EREG: variants seen among roughly 807,000 people sequenced by gnomAD.
EREG encodes the protein epiregulin, also known as proepiregulin.
A neutral mutation model predicts 22.4 loss-of-function variants in EREG; 23 were observed. The ratio of observed to expected loss-of-function variants is 1.03; its 90% CI spans 0.74 to 1.46. The LOEUF (loss-of-function observed/expected upper bound fraction) is 1.46. Among genes scored for constraint, EREG ranks in the 40% most tolerant of loss-of-function variants. EREG has a pLI of 0.00. For missense variants in EREG, 226 were observed against 205.9 expected, an observed-to-expected ratio of 1.10 and a Z score of -0.60; for synonymous variants, 100 against 75.4, an observed-to-expected ratio of 1.33 and a Z score of -1.69.
chr4:74,367,391 T>A (rs1022224885), intron 1 of EREG, among the ~76,000 whole-genome samples: 14 of 152,354 alleles, frequency 9.2e-5, no homozygotes, highest in African/African-American at 2.2e-4. Flanking sequence ...AACATTTTTT[T>A]AAATAATCTA....
At chr4:74,367,706 AT>A (rs1644667336) in intron 1 of EREG, among the ~76,000 whole-genome samples, 1 of 152,222 alleles carries the variant, frequency 6.6e-6, no homozygotes, top group Non-Finnish European at 1.5e-5. Context: ...CTGAGAGTTT[AT>A]GAGTTACCTG....
At position 74,381,120 on chromosome 4, in the gene EREG, G is replaced by T; in HGVS notation, c.261G>T (p.Met87Ile). ...GACAGTGCATCTATCTGGTGGACAT[G>T]AGTCAAAACTACTGCAGGTAATATG... The part of the protein sequence containing the change: ...LHGQCIYLVD[M>I]SQNYCRCEVG... Residue 87 changes from methionine to isoleucine, a missense_variant, in exon 3 of 5, where the codon ATG becomes ATT. Met to Ile is a conservative substitution (Grantham distance 10, BLOSUM62 1). Coordinates refer to ENST00000244869, the MANE Select transcript of EREG (RefSeq NM_001432.3). The T allele has an allele frequency of 6.2e-7, 1 of 1,612,472 alleles. No homozygotes were observed. The highest frequency in any genetic ancestry group is 1.1e-5 in the South Asian group (1 of 90,550).
Position 74,365,376 on chromosome 4 carries a change from G to T in EREG, c.67+1G>T. ...GTCCCTGCGCTGCTGCTCTGCCTGGGTAAGTTCTCCCCCTCTGGCTTCCGG... is the reference window on the plus strand; with the variant it reads ...GTCCCTGCGCTGCTGCTCTGCCTGGTTAAGTTCTCCCCCTCTGGCTTCCGG... On this transcript the variant is annotated splice_donor_variant, in intron 1 of 4. Coordinates refer to ENST00000244869, the MANE Select transcript of EREG (RefSeq NM_001432.3). LOFTEE classifies it high-confidence loss of function. 6.2e-7 allele frequency: 1 copy of T among 1,611,974 alleles called. No individual in the cohort carries two copies. The highest frequency in any genetic ancestry group is 8.5e-7 in the Non-Finnish European group (1 of 1,179,914).
In EREG at chr4:74,384,924, T is replaced by C; in HGVS notation, c.*116T>C. 1.9e-6 allele frequency: 1 copy of C among 517,658 alleles called. No individual in the cohort carries two copies. Among genetic ancestry groups the C allele is most frequent in the Non-Finnish European group, 3.4e-6 (1 of 291,196 alleles). 32.1% of individuals were successfully genotyped at this position (517,658 alleles called of 1,614,324 possible). On this transcript the variant is annotated 3_prime_UTR_variant, in exon 5 of 5. Coordinates refer to ENST00000244869, the MANE Select transcript of EREG (RefSeq NM_001432.3). ...GTGTTAGGTCAATAACACTGTATTT[T>C]AATGTACTTGAAAAATGTTTTTATT...
chr4:74,373,479 A>T (rs1752327217), intron 1 of EREG, among the ~76,000 whole-genome samples: 1 of 151,604 alleles, frequency 6.6e-6, no homozygotes, highest in Admixed American at 6.6e-5. Flanking sequence ...TTTATCTCAA[A>T]TTGCTATAGA....
intron 1 of EREG, among the ~76,000 whole-genome samples, chr4:74,378,579 A>G (rs1752421721): frequency 6.6e-6 from 1 of 152,144 alleles, no homozygotes; most frequent in African/African-American, 2.4e-5. Context: ...TACTACTACC[A>G]CCACCATTAG....
rs35273455 is a variant in EREG at position 74,371,197 on chromosome 4, CT to C, written c.67+5830del. ...TTTAGAACCAATAACATAAAATATACTTTTTTTTAATTGCTGTTACACATTG... is the reference window on the plus strand; with the variant it reads ...TTTAGAACCAATAACATAAAATATACTTTTTTTAATTGCTGTTACACATTG... On this transcript the variant is annotated intron_variant, in intron 1 of 4. Coordinates refer to ENST00000244869, the MANE Select transcript of EREG (RefSeq NM_001432.3). Among the ~76,000 whole-genome samples, 729 of 152,086 alleles carry C rather than the reference CT, an allele frequency of 4.8e-3. 1 individual carries two copies. The highest frequency in any genetic ancestry group is 0.016 in the African/African-American group (656 of 41,466).
intron 1 of EREG, among the ~76,000 whole-genome samples, chr4:74,377,166 A>G (rs954543115): frequency 6.6e-6 from 1 of 152,100 alleles, no homozygotes; most frequent in Admixed American, 6.6e-5. Context: ...CAGAAAAAAA[A>G]AAAAAAAAAC....
At chr4:74,379,822 C>T (rs560771876) in intron 2 of EREG, among the ~76,000 whole-genome samples, 15 of 152,192 alleles carry the variant, frequency 9.9e-5, no homozygotes, top group African/African-American at 2.9e-4. Context: ...CACTTTACTG[C>T]GAAACATCCT....
At chr4:74,371,900 T>C (rs767139347) in intron 1 of EREG, among the ~76,000 whole-genome samples, 2 of 151,938 alleles carry the variant, frequency 1.3e-5, no homozygotes, top group Non-Finnish European at 2.9e-5. Flanking sequence ...ATCTATAAAT[T>C]CTCTCCTTTC....
In EREG at chr4:74,384,861, A is replaced by C. The variant is rs138440902; in HGVS notation, c.*53A>C. Reference sequence around the variant, plus strand: ...ATAACAGTGTGCCTGGTTAATATTAATATTCCCATTTTATTAATAATATTT... The same window carrying C: ...ATAACAGTGTGCCTGGTTAATATTACTATTCCCATTTTATTAATAATATTT... On this transcript the variant is annotated 3_prime_UTR_variant, in exon 5 of 5. Transcript: ENST00000244869. The C allele has an allele frequency of 9.9e-7, 1 of 1,007,782 alleles. No homozygotes were observed. Among genetic ancestry groups the C allele is most frequent in the South Asian group, 1.4e-5 (1 of 70,024 alleles). 62.4% of individuals were successfully genotyped at this position (1,007,782 alleles called of 1,614,324 possible).
chr4:74,380,879 C>G (rs1752461426), intron 2 of EREG, 135 bp from the exon 3 acceptor site: 1 of 869,080 alleles, frequency 1.2e-6, no homozygotes, highest in East Asian at 2.6e-5. Context: ...TGACTTCCTA[C>G]TTCTCAAAAT....
chr4:74,385,007 A>G lies in EREG; in HGVS notation c.*199A>G. The G allele has an allele frequency of 2.3e-6, 1 of 427,152 alleles. No individual in the cohort carries two copies. The highest frequency in any genetic ancestry group is 2.0e-5 in the African/African-American group (1 of 49,864). 26.5% of individuals were successfully genotyped at this position (427,152 alleles called of 1,614,324 possible). A position where few individuals can be genotyped will look rare whatever the true frequency, so the allele number is the denominator to read the frequency against. On this transcript the variant is annotated 3_prime_UTR_variant, in exon 5 of 5. Transcript: ENST00000244869. The stretch of plus-strand genomic sequence containing the variant: ...GTATAATGTGCAGAAAATATTTAAT[A>G]TCAAAAGAAAATTGATATTTTTATA...
chr4:74,382,512 C>T, intron 3 of EREG, 133 bp from the exon 4 acceptor site: 1 of 643,236 alleles, frequency 1.6e-6, no homozygotes, highest in Admixed American at 3.0e-5. Flanking sequence ...TCTTTGAAAT[C>T]CTCTTTACAA....
At chr4:74,368,057 G>T (rs1441822805) in intron 1 of EREG, among the ~76,000 whole-genome samples, 2 of 152,170 alleles carry the variant, frequency 1.3e-5, no homozygotes, top group African/African-American at 4.8e-5. Context: ...AAATGGCCAG[G>T]TCACTCTGTG....
chr4:74,373,157 T>A (rs1056490024), intron 1 of EREG, among the ~76,000 whole-genome samples: 1 of 152,038 alleles, frequency 6.6e-6, no homozygotes, highest in Admixed American at 6.5e-5. Flanking sequence ...GAACAAGATA[T>A]ACATCTTTAA....
In EREG at chr4:74,385,059, CA is replaced by C. The variant is rs1578824341; in HGVS notation, c.*252del. On this transcript the variant is annotated 3_prime_UTR_variant, in exon 5 of 5. Coordinates refer to ENST00000244869, the MANE Select transcript of EREG (RefSeq NM_001432.3). Reference sequence around the variant, plus strand: ...AAGTAATTTCCTGAGCTAAATGCTTCATTGAAAGCTTCAAAGTTTATATGCC... The same window carrying C: ...AAGTAATTTCCTGAGCTAAATGCTTCTTGAAAGCTTCAAAGTTTATATGCC... 5.7e-6 allele frequency: 2 copies of C among 349,668 alleles called. No individual in the cohort carries two copies. The highest frequency in any genetic ancestry group is 9.7e-5 in the East Asian group (2 of 20,558). The allele number at this position is 349,668 out of a possible 1,614,324, so 21.7% of individuals were successfully genotyped here. A position where few individuals can be genotyped will look rare whatever the true frequency, so the allele number is the denominator to read the frequency against.
chr4:74,373,050 CA>C (rs1248450992), intron 1 of EREG, among the ~76,000 whole-genome samples: 8 of 144,048 alleles, frequency 5.6e-5, no homozygotes, highest in African/African-American at 2.1e-4. Flanking sequence ...CTCTTGACCT[CA>C]TGATCCACCA....
intron 1 of EREG, among the ~76,000 whole-genome samples, chr4:74,377,606 A>C (rs1177459497): frequency 2.0e-5 from 3 of 152,208 alleles, no homozygotes; most frequent in Non-Finnish European, 4.4e-5. Context: ...CACTATTATA[A>C]AGGACTTCCC....
Sources: gnomAD v4.1 joint callset for allele counts (sites outside exome capture counted in the v4.1 genomes callset) on GRCh38, gnomAD v4.1.1 for gene constraint, MANE v1.5 for transcripts, NCBI Gene and HGNC (gene_info 2026-07-23, HGNC 2026-07-21) for gene names.